Variants in EPB42 observed in about 807,000 individuals in gnomAD.
EPB42 encodes protein 4.2.
A neutral mutation model predicts 76.9 loss-of-function variants in EPB42; 49 were observed. The ratio of observed to expected loss-of-function variants is 0.64; its 90% confidence interval spans 0.51 to 0.81. The LOEUF is 0.81. Among genes scored for constraint, EPB42 ranks in the 30% least tolerant of loss-of-function variants. The pLI, the probability that EPB42 is intolerant of heterozygous loss-of-function variation, is 0.00. For missense variants in EPB42, 731 were observed against 867.6 expected (o/e 0.84, Z 1.98); for synonymous variants, 310 against 338.4 (o/e 0.92, Z 0.92).
chr15:43,218,951 T>A (rs1015861282), intron 1 of EPB42, among the ~76,000 whole-genome samples: 1 of 152,238 alleles, frequency 6.6e-6, no homozygotes, highest in Non-Finnish European at 1.5e-5. Flanking sequence ...TCATGTGGAA[T>A]GCTCTTCAGA....
intron 10 of EPB42, chr15:43,205,884 A>G (rs1278149924): frequency 6.3e-6 from 1 of 158,668 alleles, no homozygotes; most frequent in Admixed American, 6.2e-5. Flanking sequence ...CAGACCAATT[A>G]AGAAAGAACC....
chr15:43,217,439 A>G (rs549055948), intron 1 of EPB42, among the ~76,000 whole-genome samples: 1 of 152,332 alleles, frequency 6.6e-6, no homozygotes, highest in East Asian at 1.9e-4. Context: ...ATGTCTTTAT[A>G]GCAGTGTGAG....
chr15:43,208,165 G>A (rs2042234179), intron 8 of EPB42, 65 bp downstream of exon 8: 2 of 1,451,794 alleles, frequency 1.4e-6, no homozygotes, highest in Non-Finnish European at 1.9e-6. Context: ...CTGCTCCCGA[G>A]TCCTCTCTGG....
At chr15:43,221,309 G>A (rs960875527), upstream of EPB42, among the ~76,000 whole-genome samples, 2 of 152,194 alleles carry the variant, frequency 1.3e-5, no homozygotes, top group African/African-American at 4.8e-5. Flanking sequence ...CCCTAAACGT[G>A]ACAGGGGCTG....
chr15:43,224,207 C>G (rs887064117), upstream of EPB42, among the ~76,000 whole-genome samples: 2 of 152,210 alleles, frequency 1.3e-5, no homozygotes, highest in African/African-American at 2.4e-5. Context: ...AGAAAGATCT[C>G]TGGTGTCTTT....
Position 43,206,435 on chromosome 15 carries a change from TCTC to T in EPB42, c.1510_1512del (p.Glu504del), listed in dbSNP as rs754957725. 3.7e-6 allele frequency: 6 copies of T among 1,614,184 alleles called. No individual in the cohort carries two copies. The highest frequency in any genetic ancestry group is 5.1e-6 in the Non-Finnish European group (6 of 1,180,026). The stretch of plus-strand genomic sequence containing the variant: ...ACCCCAATTGCCAGCTGCACTGCCT[TCTC>T]CTGCTCACTGTGATTAACCAGCGTC... On this transcript the variant is annotated inframe_deletion, in exon 10 of 13. Coordinates refer to ENST00000441366, the MANE Select transcript of EPB42 (RefSeq NM_001114134.2). The surrounding 1 kb of genome is among the most constrained non-coding windows in gnomAD (Gnocchi z 4.7).
chr15:43,216,315 C>T lies in EPB42; in HGVS notation c.149G>A (p.Arg50His), dbSNP rs368332995. 52 of 1,614,168 alleles carry T rather than the reference C, an allele frequency of 3.2e-5. 1 individual carries two copies. In the South Asian group the frequency reaches 4.1e-4, roughly 13 times the overall value. The change falls in exon 2 of 13, where the codon CGT (arginine) becomes CAT (histidine). Residue 50 changes from arginine (R) to histidine (H), a missense_variant. Physicochemically the swap from Arg to His is conservative, Grantham distance 29. Coordinates refer to ENST00000441366, the MANE Select transcript of EPB42 (RefSeq NM_001114134.2). ...TIILYFRAPV[R>H]AFLPALKKVA... is the part of the protein sequence containing the mutation. ...CTTCTTCAGGGCAGGCAGAAATGCA[C>T]GGACTGGAGCGCGGAAGTACAGGAT... is the stretch of plus-strand genomic sequence containing the variant.
chr15:43,208,555 G>C lies in EPB42; in HGVS notation c.971+82C>G, dbSNP rs539875682. Reference sequence around the variant, plus strand: ...TACTCTCCATGCCAGGGCCATGCAGGGGGTGGGGCTCCTGCAGAGGTGTGC... The same window carrying C: ...TACTCTCCATGCCAGGGCCATGCAGCGGGTGGGGCTCCTGCAGAGGTGTGC... On this transcript the variant is annotated intron_variant, in intron 7 of 12. Transcript: ENST00000441366. The C allele has an allele frequency of 3.3e-4, 530 of 1,599,874 alleles. 3 individuals are homozygous for C. The African/African-American group carries it at 6.6e-3, about 20-fold the overall frequency.
chr15:43,215,400 T>C (rs1053235016), intron 2 of EPB42, 72 bp from the exon 3 acceptor site: 2 of 1,502,376 alleles, frequency 1.3e-6, no homozygotes, highest in African/African-American at 2.8e-5. Flanking sequence ...GGTCAGGGTA[T>C]TACAAAGATG....
chr15:43,222,613 G>T (rs569427821), upstream of EPB42, among the ~76,000 whole-genome samples: 67 of 152,238 alleles, frequency 4.4e-4, no homozygotes, highest in African/African-American at 1.4e-3. Context: ...GGTTCAAAAG[G>T]AAATTTCTAA....
At chr15:43,211,566 T>C (rs1485728828) in intron 3 of EPB42, 32 bp from the exon 4 acceptor site, 1 of 1,444,176 alleles carries the variant, frequency 6.9e-7, no homozygotes, top group South Asian at 1.1e-5. Context: ...TGAGGGCCTG[T>C]GGGGGTCCTA....
At position 43,208,219 on chromosome 15, in the gene EPB42, C is replaced by T; in HGVS notation, c.1075+11G>A. On this transcript the variant is annotated intron_variant, in intron 8 of 12. Coordinates refer to ENST00000441366, the MANE Select transcript of EPB42 (RefSeq NM_001114134.2). ...GCCCTGCGTGGTCCTGGACCCACCC[C>T]TAGGCTTTACCTCCACCTCCATTAG... 6.2e-7 allele frequency: 1 copy of T among 1,613,074 alleles called. No individual in the cohort carries two copies. The highest frequency in any genetic ancestry group is 8.5e-7 in the Non-Finnish European group (1 of 1,179,460).
intron 2 of EPB42, 109 bp downstream of exon 2, chr15:43,216,158 GC>G: frequency 7.3e-7 from 1 of 1,368,992 alleles, no homozygotes; most frequent in Non-Finnish European, 1.0e-6. Context: ...ACTTCTTACG[GC>G]CCAGCTGCAG....
chr15:43,197,777 T>C (rs1385208962), intron 12 of EPB42, among the ~76,000 whole-genome samples: 3 of 152,136 alleles, frequency 2.0e-5, no homozygotes, highest in Non-Finnish European at 2.9e-5. Context: ...AAGAGTGATA[T>C]GGTTTGGCTG....
At chr15:43,202,392 G>A (rs1332958596) in intron 11 of EPB42, among the ~76,000 whole-genome samples, 1 of 152,074 alleles carries the variant, frequency 6.6e-6, no homozygotes, top group African/African-American at 2.4e-5. Flanking sequence ...CCTCTTTGCT[G>A]TCTTCTTCTG....
chr15:43,220,793 T>C, intron 1 of EPB42, 23 bp downstream of exon 1: 2 of 1,612,862 alleles, frequency 1.2e-6, no homozygotes, highest in African/African-American at 1.3e-5. Context: ...CAGCAAGCCC[T>C]GTCGAGCGCT....
chr15:43,214,184 T>C (rs551152723), intron 3 of EPB42, among the ~76,000 whole-genome samples: 22 of 152,218 alleles, frequency 1.4e-4, no homozygotes, highest in Non-Finnish European at 3.2e-4. Context: ...GTGAGATAGA[T>C]TTAAAAGCAA....
intron 1 of EPB42, among the ~76,000 whole-genome samples, chr15:43,217,370 G>T (rs886799023): frequency 2.6e-5 from 4 of 152,100 alleles, no homozygotes; most frequent in Non-Finnish European, 5.9e-5. Flanking sequence ...AGCTTGTATA[G>T]CCCGCAGAAC....
chr15:43,207,081 T>C (rs538568536), intron 9 of EPB42, 118 bp downstream of exon 9: 1 of 1,479,630 alleles, frequency 6.8e-7, no homozygotes, highest in Non-Finnish European at 9.2e-7. Context: ...TGAGAAACCC[T>C]GTTTTATATG....
Sources: gnomAD v4.1 joint callset for allele counts (sites outside exome capture counted in the v4.1 genomes callset) on GRCh38, gnomAD v4.1.1 for gene constraint, Gnocchi (gnomAD v3.1) non-coding constraint, MANE v1.5 for transcripts, NCBI Gene and HGNC (gene_info 2026-07-23, HGNC 2026-07-21) for gene names.